Variants in GRID1 observed in about 807,000 individuals in gnomAD.
The protein encoded by GRID1 is glutamate ionotropic receptor delta type subunit 1, also known as glutamate receptor ionotropic, delta-1.
In GRID1, 28 loss-of-function variants were observed where a neutral mutation model predicts 98.0. The ratio of observed to expected loss-of-function variants is 0.29; its 90% CI spans 0.21 to 0.39. The LOEUF is 0.39. Among genes scored for constraint, GRID1 ranks in the 10% least tolerant of loss-of-function variants. The probability of loss-of-function intolerance (pLI) is 1.00; values close to 1 mark genes in which losing one functional copy is unlikely to be tolerated. For synonymous variants in GRID1, 553 were observed against 538.5 expected (o/e 1.03, Z -0.37); for missense variants, 1,111 against 1,340.5 (o/e 0.83, Z 2.67).
intron 14 of GRID1, among the ~76,000 whole-genome samples, chr10:85,615,781 A>G (rs1391558375): frequency 6.6e-6 from 1 of 152,180 alleles, no homozygotes; most frequent in African/African-American, 2.4e-5. Context: ...ACTGGCCTTA[A>G]TAAGTCTCTG....
chr10:86,020,284 A>G (rs1843032445), intron 4 of GRID1, among the ~76,000 whole-genome samples: 1 of 152,188 alleles, frequency 6.6e-6, no homozygotes, highest in African/African-American at 2.4e-5. Flanking sequence ...GCAAGGATGG[A>G]GCCTGGCACA....
In GRID1 at chr10:86,365,254, C is replaced by G. The variant is rs1157632841; in HGVS notation, c.79+1060G>C. Among the ~76,000 whole-genome samples the G allele has an allele frequency of 1.3e-5, 2 of 152,062 alleles. No individual in the cohort carries two copies. Among genetic ancestry groups the G allele is most frequent in the Non-Finnish European group, 2.9e-5 (2 of 67,994 alleles). On this transcript the variant is annotated intron_variant, in intron 1 of 15. Transcript: ENST00000327946. This position sits in a 1 kb window ranked among gnomAD's most constrained non-coding sequence, Gnocchi z 4.8. ...CCACCCCACTCCACCACCCACCCTC[C>G]CGCCTTGTCCCGTCCTCCTCGCCTT...
chr10:85,836,260 C>A (rs186849845), intron 8 of GRID1, among the ~76,000 whole-genome samples: 6 of 151,672 alleles, frequency 4.0e-5, no homozygotes, highest in Non-Finnish European at 8.8e-5. Flanking sequence ...GAGGGGAGGA[C>A]AAGATGACCA....
At chr10:85,960,387 T>A (rs2131848743) in intron 4 of GRID1, among the ~76,000 whole-genome samples, 1 of 152,384 alleles carries the variant, frequency 6.6e-6, no homozygotes, top group South Asian at 2.1e-4. Context: ...AGGTGCTGCC[T>A]GCAGGATGCA....
At chr10:85,906,024 A>G (rs1173166504) in intron 5 of GRID1, among the ~76,000 whole-genome samples, 1 of 152,146 alleles carries the variant, frequency 6.6e-6, no homozygotes, top group Non-Finnish European at 1.5e-5. Context: ...CTTTAAACAT[A>G]AAGAAACAAG....
intron 4 of GRID1, among the ~76,000 whole-genome samples, chr10:85,928,431 T>C (rs1298740624): frequency 1.3e-5 from 2 of 152,230 alleles, no homozygotes; most frequent in Non-Finnish European, 2.9e-5. Flanking sequence ...CAAGGCAGCC[T>C]GCACAGTCCC....
chr10:85,944,376 T>C (rs977856619), intron 4 of GRID1, among the ~76,000 whole-genome samples: 6 of 152,062 alleles, frequency 3.9e-5, no homozygotes, highest in African/African-American at 1.2e-4. Context: ...ACCCCTCGAA[T>C]TGACAAAAAT....
At chr10:85,858,360 C>A (rs368143132) in intron 6 of GRID1, among the ~76,000 whole-genome samples, 3 of 152,170 alleles carry the variant, frequency 2.0e-5, no homozygotes, top group African/African-American at 7.2e-5. Flanking sequence ...TACTTGACAG[C>A]AGAGGGAAAA....
At chr10:85,991,365 C>T (rs1425766053) in intron 4 of GRID1, among the ~76,000 whole-genome samples, 1 of 152,122 alleles carries the variant, frequency 6.6e-6, no homozygotes, top group Non-Finnish European at 1.5e-5. Flanking sequence ...GCCAAGTTGC[C>T]TGTGAAACAT....
intron 4 of GRID1, among the ~76,000 whole-genome samples, chr10:85,931,492 T>C (rs561096386): frequency 6.6e-6 from 1 of 152,342 alleles, no homozygotes; most frequent in South Asian, 2.1e-4. Context: ...TCTCATTATA[T>C]ACCTCTTTGC....
intron 13 of GRID1, among the ~76,000 whole-genome samples, chr10:85,626,550 C>T (rs1369582947): frequency 6.6e-6 from 1 of 152,194 alleles, no homozygotes; most frequent in East Asian, 1.9e-4. Flanking sequence ...CTCTGTACAT[C>T]AGGGACTCTT....
intron 4 of GRID1, among the ~76,000 whole-genome samples, chr10:85,942,488 T>A (rs1197615621): frequency 6.6e-6 from 1 of 152,124 alleles, no homozygotes; most frequent in Non-Finnish European, 1.5e-5. Flanking sequence ...CAGATACCCA[T>A]CCAAAACTTA....
In GRID1 at chr10:86,206,239, C is replaced by T; in HGVS notation, c.520+125G>A. The T allele has an allele frequency of 1.3e-6, 1 of 779,722 alleles. No homozygotes were observed. Among genetic ancestry groups the T allele is most frequent in the Non-Finnish European group, 2.0e-6 (1 of 500,256 alleles). 48.3% of individuals were successfully genotyped at this position (779,722 alleles called of 1,614,324 possible). ...CATGAAGCTCGAGGTTTGACCCTAT[C>T]ACCTGGAGGCCCACTCAGCACAGAC... On this transcript the variant is annotated intron_variant, in intron 3 of 15. Coordinates refer to ENST00000327946, the MANE Select transcript of GRID1 (RefSeq NM_017551.3). The surrounding 1 kb of genome is among the most constrained non-coding windows in gnomAD (Gnocchi z 4.1).
At chr10:86,197,682 G>A (rs2814357) in intron 3 of GRID1, among the ~76,000 whole-genome samples, 51,026 of 151,816 alleles carry the variant, frequency 0.34, 9,195 homozygotes, top group East Asian at 0.5. Flanking sequence ...TGTGGGAGTC[G>A]GCATAGCCTC....
chr10:86,009,895 G>A (rs771837109), intron 4 of GRID1, among the ~76,000 whole-genome samples: 5 of 152,118 alleles, frequency 3.3e-5, no homozygotes, highest in Non-Finnish European at 5.9e-5. Flanking sequence ...AAGTTACCAG[G>A]CTGAAAACCC....
intron 15 of GRID1, among the ~76,000 whole-genome samples, chr10:85,608,674 G>A (rs1397289113): frequency 6.6e-6 from 1 of 152,186 alleles, no homozygotes. Context: ...AGGAGGCACT[G>A]GTGGATCTGA....
At chr10:86,115,473 G>GTAAA (rs1844562593) in intron 4 of GRID1, among the ~76,000 whole-genome samples, 1 of 152,152 alleles carries the variant, frequency 6.6e-6, no homozygotes, top group Non-Finnish European at 1.5e-5. Context: ...ACACCCCTAG[G>GTAAA]TAAATGTGCT....
chr10:85,881,153 G>A (rs1841006996), intron 5 of GRID1, among the ~76,000 whole-genome samples: 1 of 152,184 alleles, frequency 6.6e-6, no homozygotes, highest in Non-Finnish European at 1.5e-5. Flanking sequence ...AACATTCCAT[G>A]CTCATGGCTA....
chr10:86,017,274 T>C (rs1019586456), intron 4 of GRID1, among the ~76,000 whole-genome samples: 2 of 152,212 alleles, frequency 1.3e-5, no homozygotes, highest in African/African-American at 2.4e-5. Flanking sequence ...TCAAGAGACA[T>C]GTATAACCTG....
Sources: gnomAD v4.1 joint callset for allele counts (sites outside exome capture counted in the v4.1 genomes callset) on GRCh38, gnomAD v4.1.1 for gene constraint, Gnocchi (gnomAD v3.1) non-coding constraint, MANE v1.5 for transcripts, NCBI Gene and HGNC (gene_info 2026-07-23, HGNC 2026-07-21) for gene names.